The following MYO18A variants were observed in gnomAD, a reference collection of about 807,000 sequenced individuals.
MYO18A encodes myosin XVIIIA, also known as unconventional myosin-XVIIIa.
In MYO18A, 78 loss-of-function variants were observed where a neutral mutation model predicts 235.8. The ratio of observed to expected loss-of-function variants is 0.33; its 90% CI spans 0.28 to 0.40. The LOEUF (loss-of-function observed/expected upper bound fraction) is 0.40. Ranked by LOEUF, MYO18A falls within the 10% of genes least tolerant of loss-of-function variation. The pLI, the probability that MYO18A is intolerant of heterozygous loss-of-function variation, is 1.00. For synonymous variants in MYO18A, 977 were observed against 1,077.8 expected, an observed-to-expected ratio of 0.91 and a Z score of 1.83; for missense variants, 2,215 against 2,699.3, an observed-to-expected ratio of 0.82 and a Z score of 3.98.
rs774255384 is a variant in MYO18A at position 29,107,163 on chromosome 17, C to A, written c.3358G>T (p.Glu1120Ter). 3.1e-6 allele frequency: 5 copies of A among 1,613,848 alleles called. No homozygotes were observed. Among genetic ancestry groups the A allele is most frequent in the Non-Finnish European group, 4.2e-6 (5 of 1,179,882 alleles). ...AGGACATCAAAGCGGCGGCGGAACT[C>A]GGAAAACACCATGTGGTCAGGGTAA... Reference protein sequence around the residue: ...QGYPDHMVFSEFRRRFDVLAP... With the variant: ...QGYPDHMVFS Residue 1120 changes from glutamate to a stop codon, truncating the protein, a stop_gained, in exon 20 of 42, where the codon GAG (glutamate) becomes TAG (stop). Coordinates refer to ENST00000527372, the MANE Select transcript of MYO18A (RefSeq NM_078471.4). LOFTEE classifies it high-confidence loss of function.
intron 41 of MYO18A, chr17:29,078,708 C>A (rs1238752600): frequency 1.3e-5 from 2 of 152,280 alleles, no homozygotes; most frequent in African/African-American, 4.8e-5. Context: ...ACCAGAGAAA[C>A]TGGCAACAAT....
At chr17:29,115,537 TG>T in intron 12 of MYO18A, 96 bp from the exon 13 acceptor site, 2 of 1,490,760 alleles carry the variant, frequency 1.3e-6, no homozygotes, top group Non-Finnish European at 1.8e-6. Context: ...GCACGGGGCC[TG>T]GGGCAGGGCC....
At chr17:29,167,106 T>G (rs2068302965) in intron 1 of MYO18A, 85 bp from the exon 2 acceptor site, 1 of 911,796 alleles carries the variant, frequency 1.1e-6, no homozygotes, top group Non-Finnish European at 1.6e-6. Flanking sequence ...ATGATACAGC[T>G]ACTCCTCACT....
chr17:29,089,574 G>C (rs769930545), intron 37 of MYO18A, among the ~76,000 whole-genome samples: 11 of 151,898 alleles, frequency 7.2e-5, no homozygotes, highest in Non-Finnish European at 1.6e-4. Flanking sequence ...GGAGCAGAGC[G>C]AGGGCAGATG....
intron 15 of MYO18A, among the ~76,000 whole-genome samples, chr17:29,112,282 G>A (rs1308626614): frequency 2.0e-5 from 3 of 152,248 alleles, no homozygotes; most frequent in African/African-American, 7.2e-5. Context: ...TTGGCCCTAA[G>A]GAAGCTGTCA....
At chr17:29,150,804 G>A (rs2152948459) in intron 2 of MYO18A, among the ~76,000 whole-genome samples, 1 of 152,306 alleles carries the variant, frequency 6.6e-6, no homozygotes, top group Middle Eastern at 3.4e-3. Flanking sequence ...AGACCCTATA[G>A]AGGATCCTCT....
At chr17:29,136,274 T>C (rs1244622548) in intron 2 of MYO18A, among the ~76,000 whole-genome samples, 1 of 138,454 alleles carries the variant, frequency 7.2e-6, no homozygotes, top group East Asian at 2.0e-4. Flanking sequence ...TATATATATA[T>C]GTAATGTATC....
chr17:29,081,012 C>A, intron 41 of MYO18A: 1 of 985,392 alleles, frequency 1.0e-6, no homozygotes, highest in Non-Finnish European at 1.2e-6. Context: ...TGTTGAGGGC[C>A]GTTCCGAGGG....
Position 29,086,502 on chromosome 17 carries a change from C to T in MYO18A, c.5788G>A (p.Gly1930Arg), listed in dbSNP as rs751738935. The change falls in exon 39 of 42, where the codon GGG becomes AGG. Residue 1930 changes from glycine to arginine, a missense_variant. Physicochemically the swap from Gly to Arg is moderately radical, Grantham distance 125. Coordinates refer to ENST00000527372, the MANE Select transcript of MYO18A (RefSeq NM_078471.4). ...ADLKLAFKRI[G>R]DLQAAIEDEM... is the part of the protein sequence containing the mutation. ...TCCTCAATGGCAGCCTGCAGGTCCC[C>T]GATGCGCTTGAATGCCAACTTTAGG... 2.8e-5 allele frequency: 45 copies of T among 1,611,550 alleles called. 1 individual carries two copies. The South Asian group carries it at 3.6e-4, about 13-fold the overall frequency.
chr17:29,140,839 C>T lies in MYO18A; in HGVS notation c.1000-18586G>A, dbSNP rs892855027. Among the ~76,000 whole-genome samples, 1 of 152,152 alleles carries T rather than the reference C, an allele frequency of 6.6e-6. No homozygotes were observed. The highest frequency in any genetic ancestry group is 2.4e-5 in the African/African-American group (1 of 41,426). On this transcript the variant is annotated intron_variant, in intron 2 of 41. Transcript: ENST00000527372. This position sits in a 1 kb window ranked among gnomAD's most constrained non-coding sequence, Gnocchi z 4.2. ...ACACACACCAGCATGCACGAACATTCAATCAACACAGTGTTCTTGAGAACA... is the reference window on the plus strand; with the variant it reads ...ACACACACCAGCATGCACGAACATTTAATCAACACAGTGTTCTTGAGAACA...
rs975347912 is a variant in MYO18A at position 29,155,419 on chromosome 17, C to A, written c.999+10523G>T. Reference sequence around the variant, plus strand: ...CCAGAGAAGAGCTCCATGGGAAGAACCTGCCGCCCTGTGTGGACCCTGCTT... The same window carrying A: ...CCAGAGAAGAGCTCCATGGGAAGAAACTGCCGCCCTGTGTGGACCCTGCTT... On this transcript the variant is annotated intron_variant, in intron 2 of 41. Transcript: ENST00000527372. 5.2e-5 allele frequency: 8 copies of A among 152,418 alleles called. No individual in the cohort carries two copies. In the East Asian group the frequency reaches 1.2e-3, roughly 22 times the overall value. 9.4% of individuals were successfully genotyped at this position (152,418 alleles called of 1,614,324 possible).
In MYO18A at chr17:29,118,310, G is replaced by C. The variant is rs1242718161; in HGVS notation, c.1893+67C>G. ...AGCTGGGCTCCCACTATTCCCACAGGACCCATGGAGGCTTCTCCTACCCCC... is the reference window on the plus strand; with the variant it reads ...AGCTGGGCTCCCACTATTCCCACAGCACCCATGGAGGCTTCTCCTACCCCC... On this transcript the variant is annotated intron_variant, in intron 9 of 41. Transcript: ENST00000527372. The surrounding 1 kb of genome is among the most constrained non-coding windows in gnomAD (Gnocchi z 4.2). 1.3e-6 allele frequency: 2 copies of C among 1,565,368 alleles called. No homozygotes were observed. The highest frequency in any genetic ancestry group is 1.7e-6 in the Non-Finnish European group (2 of 1,149,172).
intron 41 of MYO18A, chr17:29,081,113 G>A: frequency 1.7e-6 from 1 of 603,502 alleles, no homozygotes; most frequent in Non-Finnish European, 2.1e-6. Context: ...AGAGAATAAA[G>A]ACACAGGGGG....
chr17:29,108,075 G>A (rs1466694862), intron 19 of MYO18A, among the ~76,000 whole-genome samples: 3 of 151,784 alleles, frequency 2.0e-5, no homozygotes, highest in Admixed American at 1.3e-4. Context: ...AGCGGCCCTC[G>A]CACTTATCTC....
Position 29,142,533 on chromosome 17 carries a change from T to TC in MYO18A, c.1000-20281dup, listed in dbSNP as rs2067764138. ...AGTTCTCAGGCCAGCAGCGTGGGCA[T>TC]CCCCTGGGGACTTGTTGGAAATGCA... is the stretch of plus-strand genomic sequence containing the variant. On this transcript the variant is annotated intron_variant, in intron 2 of 41. Coordinates refer to ENST00000527372, the MANE Select transcript of MYO18A (RefSeq NM_078471.4). Among the ~76,000 whole-genome samples, 4 of 152,344 alleles carry TC rather than the reference T, an allele frequency of 2.6e-5. No individual in the cohort carries two copies. The South Asian group carries it at 8.3e-4, about 32-fold the overall frequency.
At position 29,111,608 on chromosome 17, in the gene MYO18A, A is replaced by G; in HGVS notation, c.2741-25T>C. 6.2e-7 allele frequency: 1 copy of G among 1,613,604 alleles called. No individual in the cohort carries two copies. Among genetic ancestry groups the G allele is most frequent in the Non-Finnish European group, 8.5e-7 (1 of 1,179,698 alleles). On this transcript the variant is annotated intron_variant, in intron 16 of 41. Coordinates refer to ENST00000527372, the MANE Select transcript of MYO18A (RefSeq NM_078471.4). This position sits in a 1 kb window ranked among gnomAD's most constrained non-coding sequence, Gnocchi z 5.1. The stretch of plus-strand genomic sequence containing the variant: ...CCTGATGGTGGGAGAAGCAAGATTT[A>G]GGTCGTCAGGGTACAGGCACAAAGT...
At chr17:29,102,685 C>T (rs940365807) in intron 21 of MYO18A, among the ~76,000 whole-genome samples, 4 of 152,172 alleles carry the variant, frequency 2.6e-5, no homozygotes, top group Non-Finnish European at 4.4e-5. Flanking sequence ...GATGGGAAGA[C>T]GCAAAGACAC....
At position 29,086,320 on chromosome 17, in the gene MYO18A, T is replaced by C. The variant is rs377517224; in HGVS notation, c.5852+118A>G. On this transcript the variant is annotated intron_variant, in intron 39 of 41. Coordinates refer to ENST00000527372, the MANE Select transcript of MYO18A (RefSeq NM_078471.4). ...GATCTGGCAGTAAAGGGAGGGTGGG[T>C]TGGCGGCTTGCTCATGGGGAGGCAG... is the stretch of plus-strand genomic sequence containing the variant. 1.2e-5 allele frequency: 14 copies of C among 1,163,916 alleles called. No homozygotes were observed. The South Asian group carries it at 1.6e-4, about 14-fold the overall frequency. 72.1% of individuals were successfully genotyped at this position (1,163,916 alleles called of 1,614,324 possible). A position where few individuals can be genotyped will look rare whatever the true frequency, so the allele number is the denominator to read the frequency against.
chr17:29,146,107 A>C (rs1311728295), intron 2 of MYO18A, among the ~76,000 whole-genome samples: 1 of 152,058 alleles, frequency 6.6e-6, no homozygotes, highest in East Asian at 1.9e-4. Flanking sequence ...AAAATACAAA[A>C]ATTAGCCAGG....
Sources: allele counts gnomAD v4.1 joint callset (sites outside exome capture counted in the v4.1 genomes callset), GRCh38; gene constraint gnomAD v4.1.1; non-coding constraint Gnocchi (gnomAD v3.1); transcripts MANE v1.5; gene names NCBI Gene and HGNC (gene_info 2026-07-23, HGNC 2026-07-21).